RANBP2: variants seen among roughly 807,000 people sequenced by gnomAD.
RANBP2 encodes E3 SUMO-protein ligase RanBP2.
RANBP2 carries 57 observed loss-of-function variants against 303.6 expected under a neutral mutation model. That is an observed-to-expected ratio of 0.19 (90% CI 0.15 to 0.23). The LOEUF is 0.23. Among genes scored for constraint, RANBP2 ranks in the 10% least tolerant of loss-of-function variants. The probability of loss-of-function intolerance (pLI) is 1.00; values close to 1 mark genes in which losing one functional copy is unlikely to be tolerated. For missense variants in RANBP2, 3,138 were observed against 3,780.8 expected (o/e 0.83, Z 4.46); for synonymous variants, 1,167 against 1,301.5 (o/e 0.90, Z 2.23).
chr2:108,959,531 A>G, the RANBP2 span, among the ~76,000 whole-genome samples: 2 of 152,022 alleles, frequency 1.3e-5, no homozygotes, highest in Non-Finnish European at 2.9e-5. Context: ...TGCCAAGATG[A>G]CTCAGGTTGT....
At chr2:109,642,504 C>T in the RANBP2 span, among the ~76,000 whole-genome samples, 6 of 151,918 alleles carry the variant, frequency 3.9e-5, no homozygotes, top group Non-Finnish European at 8.8e-5. Flanking sequence ...AATCCCAGCA[C>T]TTTGGGAGGC....
At chr2:108,732,164 T>C (rs1000333212) in intron 4 of RANBP2, among the ~76,000 whole-genome samples, 27 of 152,222 alleles carry the variant, frequency 1.8e-4, no homozygotes, top group African/African-American at 5.5e-4. Flanking sequence ...AGCCTCCTTC[T>C]ATCCCCATTA....
chr2:109,188,724 T>C, the RANBP2 span, among the ~76,000 whole-genome samples: 2 of 152,154 alleles, frequency 1.3e-5, no homozygotes, highest in Admixed American at 1.3e-4. Flanking sequence ...GTGCTTGCCG[T>C]CAGTGTGTGC....
At chr2:109,288,730 A>G in the RANBP2 span, among the ~76,000 whole-genome samples, 1 of 152,316 alleles carries the variant, frequency 6.6e-6, no homozygotes, top group African/African-American at 2.4e-5. Flanking sequence ...TCTTAGGAAC[A>G]TGGGTAAAAG....
the RANBP2 span, among the ~76,000 whole-genome samples, chr2:109,021,448 G>A: frequency 6.6e-5 from 10 of 151,800 alleles, no homozygotes; most frequent in East Asian, 1.2e-3. Context: ...GCGTGAACCC[G>A]GGAGGCGGAG....
chr2:109,742,544 T>C, the RANBP2 span, among the ~76,000 whole-genome samples: 1 of 148,670 alleles, frequency 6.7e-6, no homozygotes, highest in Non-Finnish European at 1.5e-5. Context: ...AATAGAGAAG[T>C]ATTCCATGTT....
the RANBP2 span, among the ~76,000 whole-genome samples, chr2:109,252,264 A>AC: frequency 6.6e-6 from 1 of 151,646 alleles, no homozygotes; most frequent in South Asian, 2.1e-4. Context: ...GAAAAAAAAA[A>AC]AAAACTTTCA....
the RANBP2 span, among the ~76,000 whole-genome samples, chr2:109,354,725 C>T: frequency 0.022 from 3,411 of 152,362 alleles, 61 homozygotes; most frequent in South Asian, 0.048. Flanking sequence ...AGGCGAGCGT[C>T]GGCACCCTGC....
Position 108,782,718 on chromosome 2 carries a change from A to G in RANBP2, c.9225A>G (p.Glu3075=), listed in dbSNP as rs759113407. The G allele has an allele frequency of 1.2e-5, 20 of 1,614,094 alleles. No individual in the cohort carries two copies. The highest frequency in any genetic ancestry group is 1.7e-5 in the Non-Finnish European group (20 of 1,180,048). Residue 3075 remains glutamate, a synonymous_variant, in exon 28 of 29, where the codon GAA becomes GAG. Transcript: ENST00000283195. ...TTTTTGATGTTTGTGCGGACGGTGA[A>G]CCTCTAGGGCGGATAACTATGGAAT... ...VVFFDVCADG[E]PLGRITMELF...
chr2:109,656,549 A>T, the RANBP2 span, among the ~76,000 whole-genome samples: 1 of 152,210 alleles, frequency 6.6e-6, no homozygotes, highest in Admixed American at 6.5e-5. Flanking sequence ...CATGTTGGCC[A>T]GGCTGGTCTC....
the RANBP2 span, among the ~76,000 whole-genome samples, chr2:109,138,435 G>A: frequency 1.3e-5 from 2 of 152,380 alleles, no homozygotes; most frequent in Middle Eastern, 3.4e-3. Context: ...AGAAAGGACA[G>A]TTGCTGTTGT....
chr2:108,795,344 T>A, the RANBP2 span, among the ~76,000 whole-genome samples: 9 of 152,026 alleles, frequency 5.9e-5, no homozygotes, highest in Non-Finnish European at 1.2e-4. Flanking sequence ...TTAGTAGAGA[T>A]GGGGTTTCAC....
the RANBP2 span, among the ~76,000 whole-genome samples, chr2:109,058,544 T>A: frequency 6.6e-6 from 1 of 152,208 alleles, no homozygotes; most frequent in Non-Finnish European, 1.5e-5. Flanking sequence ...ATGTGGCGCC[T>A]GCTTAAAGAT....
At chr2:108,957,076 C>T in the RANBP2 span, among the ~76,000 whole-genome samples, 2 of 152,226 alleles carry the variant, frequency 1.3e-5, no homozygotes, top group East Asian at 1.9e-4. Context: ...AGGCGTGAGC[C>T]GCCACGCCCA....
Position 108,777,250 on chromosome 2 carries a change from AC to A in RANBP2, c.8599+20del, listed in dbSNP as rs1171425391. The stretch of plus-strand genomic sequence containing the variant: ...TCTAAAGGTAAGATCAAGAGGAGAG[AC>A]TTTTAATGACATTGTTACAGAATCA... On this transcript the variant is annotated intron_variant, in intron 25 of 28. Transcript: ENST00000283195. 1 of 1,591,584 alleles carries A rather than the reference AC, an allele frequency of 6.3e-7. No individual in the cohort carries two copies. The highest frequency in any genetic ancestry group is 2.2e-5 in the East Asian group (1 of 44,720).
At chr2:109,522,554 C>T in the RANBP2 span, among the ~76,000 whole-genome samples, 1 of 152,046 alleles carries the variant, frequency 6.6e-6, no homozygotes, top group African/African-American at 2.4e-5. Context: ...GCCTTGGCCT[C>T]CCAAAGTGCT....
the RANBP2 span, among the ~76,000 whole-genome samples, chr2:109,345,579 G>C: frequency 2.0e-5 from 3 of 152,138 alleles, no homozygotes; most frequent in African/African-American, 7.2e-5. Flanking sequence ...TGTTGAGGCT[G>C]GTTTTTCAAC....
chr2:109,426,982 T>A, the RANBP2 span, among the ~76,000 whole-genome samples: 1,956 of 150,622 alleles, frequency 0.013, 38 homozygotes, highest in African/African-American at 0.046. Flanking sequence ...ATATATATTT[T>A]TTTTTGAGAC....
the RANBP2 span, among the ~76,000 whole-genome samples, chr2:109,647,155 C>CTTTTTTTT: frequency 1.4e-5 from 1 of 71,474 alleles, no homozygotes; most frequent in Non-Finnish European, 2.5e-5. Flanking sequence ...GCTCTCCTCA[C>CTTTTTTTT]TTTTTTTTTT....
Sources: gnomAD v4.1 joint callset for allele counts (sites outside exome capture counted in the v4.1 genomes callset) on GRCh38, gnomAD v4.1.1 for gene constraint, MANE v1.5 for transcripts, NCBI Gene and HGNC (gene_info 2026-07-23, HGNC 2026-07-21) for gene names.